NTN1: variants seen among roughly 807,000 people sequenced by gnomAD.
NTN1 encodes netrin-1.
In NTN1, 11 loss-of-function variants were observed where a neutral mutation model predicts 54.2. The ratio of observed to expected loss-of-function variants is 0.20; its 90% CI spans 0.13 to 0.34. NTN1 has a LOEUF of 0.34. NTN1 is among the 10% of genes least tolerant of loss of function. The pLI is 1.00. For synonymous variants in NTN1, 371 were observed against 382.0 expected (o/e 0.97, Z 0.33); for missense variants, 740 against 893.1 (o/e 0.83, Z 2.18).
Position 9,228,866 on chromosome 17 carries a change from G to C in NTN1, c.1486+7624G>C, listed in dbSNP as rs1320881082. 2.4e-3 allele frequency among the ~76,000 whole-genome samples: 40 copies of C among 16,346 alleles called. 1 individual carries two copies. Among genetic ancestry groups the C allele is most frequent in the African/African-American group, 8.2e-3 (27 of 3,290 alleles). The allele number at this position is 16,346 out of a possible 152,430, so 10.7% of individuals were successfully genotyped here. A position where few individuals can be genotyped will look rare whatever the true frequency, so the allele number is the denominator to read the frequency against. On this transcript the variant is annotated intron_variant, in intron 6 of 6. Coordinates refer to ENST00000173229, the MANE Select transcript of NTN1 (RefSeq NM_004822.3). ...TGTGTGTGTGTGACTGTGTATGAGA[G>C]TGTGTCTGTGTGTGACTACGCATGT...
At chr17:9,161,337 C>A (rs532532573) in intron 2 of NTN1, among the ~76,000 whole-genome samples, 6 of 152,156 alleles carry the variant, frequency 3.9e-5, no homozygotes, top group Non-Finnish European at 8.8e-5. Flanking sequence ...TTGCACGTGG[C>A]TCTAGAAACA....
intron 2 of NTN1, among the ~76,000 whole-genome samples, chr17:9,039,393 T>C (rs1225770657): frequency 6.6e-6 from 1 of 152,238 alleles, no homozygotes; most frequent in African/African-American, 2.4e-5. Context: ...ATTATTTAAA[T>C]GTACCCAATA....
chr17:9,129,930 A>G (rs1467552005), intron 2 of NTN1, among the ~76,000 whole-genome samples: 3 of 152,218 alleles, frequency 2.0e-5, no homozygotes, highest in African/African-American at 7.2e-5. Flanking sequence ...TCACCAGGCC[A>G]GTGATGGTGT....
intron 2 of NTN1, among the ~76,000 whole-genome samples, chr17:9,154,850 C>G (rs533763095): frequency 6.6e-6 from 1 of 152,104 alleles, no homozygotes; most frequent in South Asian, 2.1e-4. Context: ...AGGCATCTGC[C>G]CACTGCCCCA....
chr17:9,174,132 T>C (rs1187028239), intron 3 of NTN1: 1 of 152,270 alleles, frequency 6.6e-6, no homozygotes, highest in Non-Finnish European at 1.5e-5. Context: ...CTGTGAGCTG[T>C]GAGACCTGTT....
At chr17:9,144,214 G>A (rs908685157) in intron 2 of NTN1, among the ~76,000 whole-genome samples, 2 of 151,350 alleles carry the variant, frequency 1.3e-5, no homozygotes, top group Admixed American at 1.3e-4. Context: ...CTTTTATATC[G>A]ATCTCCCCAT....
chr17:9,175,127 G>T (rs1049438309), intron 3 of NTN1: 1 of 152,282 alleles, frequency 6.6e-6, no homozygotes, highest in East Asian at 1.9e-4. Context: ...TGGAAAGGGT[G>T]CCAGGCTCAG....
At chr17:9,107,444 T>C (rs1451446470) in intron 2 of NTN1, among the ~76,000 whole-genome samples, 1 of 152,186 alleles carries the variant, frequency 6.6e-6, no homozygotes, top group Non-Finnish European at 1.5e-5. Context: ...TATGACTGTT[T>C]CCAGATTATA....
At position 9,144,209 on chromosome 17, in the gene NTN1, A is replaced by G. The variant is rs530373501; in HGVS notation, c.1019-18604A>G. ...CTGCGCCCGGCCGTTACCGTCTTTT[A>G]TATCGATCTCCCCATAATGAACTCA... On this transcript the variant is annotated intron_variant, in intron 2 of 6. Coordinates refer to ENST00000173229, the MANE Select transcript of NTN1 (RefSeq NM_004822.3). Among the ~76,000 whole-genome samples, 3 of 151,776 alleles carry G rather than the reference A, an allele frequency of 2.0e-5. No individual in the cohort carries two copies. In the East Asian group the frequency reaches 5.8e-4, roughly 29 times the overall value.
chr17:9,089,712 C>G (rs182196680), intron 2 of NTN1, among the ~76,000 whole-genome samples: 47 of 152,254 alleles, frequency 3.1e-4, no homozygotes, highest in African/African-American at 6.0e-4. Flanking sequence ...GCCCTTCTAC[C>G]TCTGCTCATC....
chr17:9,089,109 AG>A (rs2092099788), intron 2 of NTN1, among the ~76,000 whole-genome samples: 1 of 152,066 alleles, frequency 6.6e-6, no homozygotes, highest in African/African-American at 2.4e-5. Context: ...TTTGTGCTCT[AG>A]CTTTATTATT....
At chr17:9,234,944 T>G (rs372052547) in intron 6 of NTN1, among the ~76,000 whole-genome samples, 99 of 148,926 alleles carry the variant, frequency 6.6e-4, no homozygotes, top group East Asian at 1.4e-3. Context: ...GGGTTTTTTT[T>G]GTCTGTTTTT....
At chr17:9,052,428 T>C (rs1388677056) in intron 2 of NTN1, among the ~76,000 whole-genome samples, 1 of 152,220 alleles carries the variant, frequency 6.6e-6, no homozygotes, top group African/African-American at 2.4e-5. Flanking sequence ...CAAAAAGGCA[T>C]GTGCAAGTGT....
chr17:9,162,277 G>A (rs536441942), intron 2 of NTN1, among the ~76,000 whole-genome samples: 1 of 152,342 alleles, frequency 6.6e-6, no homozygotes, highest in African/African-American at 2.4e-5. Flanking sequence ...AAAGTGCCAC[G>A]GGCTGGGGGC....
chr17:9,236,037 G>C (rs1597554707), intron 6 of NTN1, among the ~76,000 whole-genome samples: 1 of 151,974 alleles, frequency 6.6e-6, no homozygotes, highest in African/African-American at 2.4e-5. Context: ...CCCATCCACA[G>C]GGTGAGATCC....
chr17:9,063,707 C>T (rs978897436), intron 2 of NTN1, among the ~76,000 whole-genome samples: 1 of 152,260 alleles, frequency 6.6e-6, no homozygotes, highest in Admixed American at 6.5e-5. Context: ...GCCACCACGC[C>T]TGGCTAATTT....
chr17:9,006,392 T>A, the NTN1 span, among the ~76,000 whole-genome samples: 483 of 152,274 alleles, frequency 3.2e-3, 1 homozygote, highest in Non-Finnish European at 5.0e-3. Context: ...AGATCTTCGC[T>A]GAGGGGGCCC....
intron 2 of NTN1, among the ~76,000 whole-genome samples, chr17:9,106,467 C>CCCTCCCTT (rs2092166631): frequency 8.3e-6 from 1 of 120,018 alleles, no homozygotes; most frequent in African/African-American, 3.3e-5. Flanking sequence ...CTTCCTTCCT[C>CCCTCCCTT]CCTTCCTTCC....
chr17:9,156,048 A>G (rs980354212), intron 2 of NTN1, among the ~76,000 whole-genome samples: 1 of 152,128 alleles, frequency 6.6e-6, no homozygotes, highest in African/African-American at 2.4e-5. Flanking sequence ...CTTACCTAGC[A>G]GAGGAGCTGG....
Sources: gnomAD v4.1 joint callset for allele counts (sites outside exome capture counted in the v4.1 genomes callset) on GRCh38, gnomAD v4.1.1 for gene constraint, MANE v1.5 for transcripts, NCBI Gene and HGNC (gene_info 2026-07-23, HGNC 2026-07-21) for gene names.